The following RIMS1 variants were observed in gnomAD, a reference collection of about 807,000 sequenced individuals.
RIMS1 encodes the protein regulating synaptic membrane exocytosis protein 1.
Under a neutral mutation model 214.1 loss-of-function variants are expected in RIMS1, and 83 were observed. That is an observed-to-expected ratio of 0.39 (90% CI 0.32 to 0.47). The LOEUF is 0.47. Among genes scored for constraint, RIMS1 ranks in the 20% least tolerant of loss-of-function variants. The pLI is 0.99. For missense variants in RIMS1, 2,050 were observed against 2,161.8 expected (o/e 0.95, Z 1.03); for synonymous variants, 793 against 786.8 (o/e 1.01, Z -0.13).
At chr6:72,171,735 C>G (rs976933681) in intron 4 of RIMS1, among the ~76,000 whole-genome samples, 3 of 152,078 alleles carry the variant, frequency 2.0e-5, no homozygotes, top group African/African-American at 7.2e-5. Flanking sequence ...AGAAATCACT[C>G]TTCTTTGCAG....
At chr6:72,022,880 G>A (rs1481618689) in intron 2 of RIMS1, among the ~76,000 whole-genome samples, 1 of 152,130 alleles carries the variant, frequency 6.6e-6, no homozygotes, top group Non-Finnish European at 1.5e-5. Context: ...GAAAGGCAGA[G>A]GCTTTATTCA....
chr6:72,172,177 C>A (rs2153956006), intron 4 of RIMS1, among the ~76,000 whole-genome samples: 1 of 152,038 alleles, frequency 6.6e-6, no homozygotes, highest in East Asian at 1.9e-4. Context: ...ACATTCGAAA[C>A]AAAGTGTTTA....
At chr6:72,136,386 A>G (rs1481565427) in intron 4 of RIMS1, among the ~76,000 whole-genome samples, 1 of 152,144 alleles carries the variant, frequency 6.6e-6, no homozygotes, top group Non-Finnish European at 1.5e-5. Flanking sequence ...TCTTAGTATA[A>G]ACAGAAGAAT....
At chr6:72,073,829 A>G (rs1192431242) in intron 2 of RIMS1, among the ~76,000 whole-genome samples, 7 of 152,200 alleles carry the variant, frequency 4.6e-5, no homozygotes, top group Non-Finnish European at 1.0e-4. Context: ...GGCTATGAAT[A>G]TCACTATAGC....
chr6:72,362,706 TC>T (rs2097864082), intron 29 of RIMS1, among the ~76,000 whole-genome samples: 1 of 152,204 alleles, frequency 6.6e-6, no homozygotes, highest in Non-Finnish European at 1.5e-5. Flanking sequence ...TAGGTAGAAC[TC>T]TTGTCAAAAT....
At chr6:72,288,363 C>A (rs1049256081) in intron 24 of RIMS1, among the ~76,000 whole-genome samples, 1 of 152,104 alleles carries the variant, frequency 6.6e-6, no homozygotes, top group African/African-American at 2.4e-5. Flanking sequence ...TACATGCATG[C>A]CTGCATATGC....
At chr6:72,247,962 T>A in intron 11 of RIMS1, 53 bp from the exon 12 acceptor site, 1 of 1,193,092 alleles carries the variant, frequency 8.4e-7, no homozygotes, top group Non-Finnish European at 1.3e-6. Context: ...AACATTTTAT[T>A]AAAAATATTT....
chr6:72,372,344 G>C (rs772683255), intron 29 of RIMS1, among the ~76,000 whole-genome samples: 6 of 152,116 alleles, frequency 3.9e-5, no homozygotes, highest in Non-Finnish European at 8.8e-5. Context: ...CATCAAAATT[G>C]TTAATGTACT....
intron 6 of RIMS1, among the ~76,000 whole-genome samples, chr6:72,219,467 G>C (rs183049344): frequency 3.3e-5 from 5 of 152,164 alleles, no homozygotes; most frequent in Admixed American, 3.3e-4. Context: ...ATTTAAATAA[G>C]TTTTAGAGAA....
chr6:72,019,588 AT>A (rs1488778332), intron 2 of RIMS1, among the ~76,000 whole-genome samples: 1 of 152,198 alleles, frequency 6.6e-6, no homozygotes, highest in African/African-American at 2.4e-5. Flanking sequence ...GTGGATTTAT[AT>A]TTTGGATTTT....
rs867640974 is a variant in RIMS1 at position 72,236,465 on chromosome 6, T to A, written c.1857+737T>A. ...TACACATATACAAAAGAGATTAAGATCTGATCAAGAACTGATCTTGACAAT... is the reference window on the plus strand; with the variant it reads ...TACACATATACAAAAGAGATTAAGAACTGATCAAGAACTGATCTTGACAAT... On this transcript the variant is annotated intron_variant, in intron 8 of 33. Coordinates refer to ENST00000521978, the MANE Select transcript of RIMS1 (RefSeq NM_014989.7). 2.8e-4 allele frequency among the ~76,000 whole-genome samples: 42 copies of A among 152,134 alleles called. 1 individual carries two copies. Among genetic ancestry groups the A allele is most frequent in the Admixed American group, 2.6e-3 (39 of 15,248 alleles).
In RIMS1 at chr6:72,105,954, G is replaced by A. The variant is rs747144602; in HGVS notation, c.471+5968G>A. Among the ~76,000 whole-genome samples, 9 of 152,092 alleles carry A rather than the reference G, an allele frequency of 5.9e-5. No individual in the cohort carries two copies. In the East Asian group the frequency reaches 9.7e-4, roughly 16 times the overall value. ...ATATTTTTTAAATTTTGGAAAATAT[G>A]TTCTAAATTTATTAGTTTTGCAGTT... On this transcript the variant is annotated intron_variant, in intron 4 of 33. Coordinates refer to ENST00000521978, the MANE Select transcript of RIMS1 (RefSeq NM_014989.7).
At chr6:72,379,692 C>T (rs2098453162) in intron 29 of RIMS1, among the ~76,000 whole-genome samples, 1 of 152,212 alleles carries the variant, frequency 6.6e-6, no homozygotes, top group African/African-American at 2.4e-5. Context: ...CATGAATTAT[C>T]TCGTTTAATA....
At position 72,392,662 on chromosome 6, in the gene RIMS1, G is replaced by T. The variant is rs963417024; in HGVS notation, c.4506-36G>T. 3 of 1,389,430 alleles carry T rather than the reference G, an allele frequency of 2.2e-6. No individual in the cohort carries two copies. The African/African-American group carries it at 4.2e-5, about 20-fold the overall frequency. 86.1% of individuals were successfully genotyped at this position (1,389,430 alleles called of 1,614,324 possible). On this transcript the variant is annotated intron_variant, in intron 30 of 33. Coordinates refer to ENST00000521978, the MANE Select transcript of RIMS1 (RefSeq NM_014989.7). Reference sequence around the variant, plus strand: ...GAAAAGAATTCTAGAAGATTTCATGGGTTTTTTCCTTTGGTTTTTATCCTT... The same window carrying T: ...GAAAAGAATTCTAGAAGATTTCATGTGTTTTTTCCTTTGGTTTTTATCCTT...
At chr6:72,294,369 C>T (rs994137464) in intron 26 of RIMS1, among the ~76,000 whole-genome samples, 2 of 151,830 alleles carry the variant, frequency 1.3e-5, no homozygotes, top group East Asian at 1.9e-4. Flanking sequence ...TTAATGCTGA[C>T]CACAGTCTAT....
chr6:72,181,883 T>G (rs550992136), intron 5 of RIMS1, among the ~76,000 whole-genome samples: 24 of 150,998 alleles, frequency 1.6e-4, no homozygotes, highest in Admixed American at 3.3e-4. Flanking sequence ...GAGAACTCCT[T>G]CCATTTGCAT....
chr6:71,974,673 A>G (rs1294004378), intron 2 of RIMS1, among the ~76,000 whole-genome samples: 1 of 152,148 alleles, frequency 6.6e-6, no homozygotes, highest in Non-Finnish European at 1.5e-5. Flanking sequence ...AGGAGGCAAG[A>G]TAAGTCATTT....
intron 29 of RIMS1, among the ~76,000 whole-genome samples, chr6:72,381,577 A>G (rs2098488857): frequency 6.6e-6 from 1 of 152,252 alleles, no homozygotes; most frequent in Admixed American, 6.5e-5. Flanking sequence ...ATTTTTGGGC[A>G]GCCTTATTAA....
intron 2 of RIMS1, among the ~76,000 whole-genome samples, chr6:72,007,948 A>G (rs551742798): frequency 1.3e-5 from 2 of 152,190 alleles, no homozygotes; most frequent in African/African-American, 2.4e-5. Flanking sequence ...GCAGGCCAAC[A>G]TTCAAATTCA....
Sources: gnomAD v4.1 joint callset for allele counts (sites outside exome capture counted in the v4.1 genomes callset) on GRCh38, gnomAD v4.1.1 for gene constraint, MANE v1.5 for transcripts, NCBI Gene and HGNC (gene_info 2026-07-23, HGNC 2026-07-21) for gene names.